The following DOK7 variants were observed in gnomAD, a reference collection of about 807,000 sequenced individuals.
The protein encoded by DOK7 is protein Dok-7.
Under a neutral mutation model 30.7 loss-of-function variants are expected in DOK7, and 32 were observed. The observed-to-expected ratio is 1.04, with a 90% confidence interval of 0.79 to 1.40. The LOEUF is 1.40. DOK7 is among the 40% of genes most tolerant of loss of function. The pLI, the probability that DOK7 is intolerant of heterozygous loss-of-function variation, is 0.00. For synonymous variants in DOK7, 447 were observed against 324.1 expected, an observed-to-expected ratio of 1.38 and a Z score of -4.07; for missense variants, 1,007 against 699.2, an observed-to-expected ratio of 1.44 and a Z score of -4.97.
At chr4:3,495,912 G>T (rs1270166877), downstream of DOK7, among the ~76,000 whole-genome samples, 1 of 152,176 alleles carries the variant, frequency 6.6e-6, no homozygotes, top group Non-Finnish European at 1.5e-5. Flanking sequence ...TGCTCAGGGG[G>T]CCTCGTGTGA....
intron 4 of DOK7, 127 bp from the exon 5 acceptor site, chr4:3,485,412 G>C: frequency 7.0e-6 from 9 of 1,287,624 alleles, no homozygotes; most frequent in Non-Finnish European, 9.2e-6. Flanking sequence ...ATCTGACTTC[G>C]TGGGGCCAGG....
At chr4:3,472,998 C>T (rs1726847916) in intron 2 of DOK7, among the ~76,000 whole-genome samples, 1 of 152,204 alleles carries the variant, frequency 6.6e-6, no homozygotes, top group South Asian at 2.1e-4. Context: ...AGCGGACTGG[C>T]AGAACCAGGG....
chr4:3,473,788 G>GCC, intron 3 of DOK7, 152 bp downstream of exon 3: 1 of 755,898 alleles, frequency 1.3e-6, no homozygotes, highest in Non-Finnish European at 2.1e-6. Context: ...CTGAGCTCCA[G>GCC]CCTGGGGGTG....
At chr4:3,484,694 T>C (rs1727651741) in intron 4 of DOK7, 2 of 985,062 alleles carry the variant, frequency 2.0e-6, no homozygotes, top group South Asian at 9.4e-5. Context: ...GCTGTGGGGG[T>C]GCAGGGGTGG....
In DOK7 at chr4:3,473,469, G is replaced by A. The variant is rs1199528414; in HGVS notation, c.164G>A (p.Ser55Asn). The A allele has an allele frequency of 3.7e-6, 6 of 1,610,996 alleles. No individual in the cohort carries two copies. The highest frequency in any genetic ancestry group is 5.1e-6 in the Non-Finnish European group (6 of 1,179,768). Residue 55 changes from serine (S) to asparagine (N), a missense_variant, in exon 3 of 7, where the codon AGC (serine) becomes AAC (asparagine). Transcript: ENST00000340083. ...SERIKGLRER[S>N]SLTLEDICGL... ...CGTATCAAGGGCCTGCGGGAGCGCA[G>A]CAGCCTGACGCTAGAGGACATCTGC...
At chr4:3,497,187 G>C (rs940340202), downstream of DOK7, among the ~76,000 whole-genome samples, 1 of 151,974 alleles carries the variant, frequency 6.6e-6, no homozygotes, top group African/African-American at 2.4e-5. Flanking sequence ...ACACAGACTG[G>C]GGTCCACGGG....
At chr4:3,469,457 C>A (rs890225367) in intron 2 of DOK7, among the ~76,000 whole-genome samples, 5 of 152,084 alleles carry the variant, frequency 3.3e-5, no homozygotes, top group African/African-American at 1.2e-4. Flanking sequence ...CCTCAGCCGC[C>A]AGGCAAGAGA....
At chr4:3,464,828 G>C (rs997735863) in intron 2 of DOK7, among the ~76,000 whole-genome samples, 2 of 152,210 alleles carry the variant, frequency 1.3e-5, no homozygotes, top group Non-Finnish European at 2.9e-5. Context: ...AGCCTCAAGA[G>C]GGTGTGCTCC....
intron 6 of DOK7, among the ~76,000 whole-genome samples, chr4:3,491,878 G>A (rs918833380): frequency 6.6e-6 from 1 of 152,208 alleles, no homozygotes; most frequent in Non-Finnish European, 1.5e-5. Context: ...TGGCTGCATG[G>A]GTGACCTGTG....
At position 3,492,794 on chromosome 4, in the gene DOK7, G is replaced by A. The variant is rs138794794; in HGVS notation, c.808G>A (p.Ala270Thr). Residue 270 changes from alanine (A) to threonine (T), a missense_variant, in exon 7 of 7, where the codon GCC (alanine) becomes ACC (threonine). By Grantham distance (58) the Ala-to-Thr change is moderately conservative (BLOSUM62 0). Coordinates refer to ENST00000340083, the MANE Select transcript of DOK7 (RefSeq NM_173660.5). ...DRSLSSSSSE[A>T]SHLDVSASSR... is the part of the protein sequence containing the mutation. ...CAGCCTGTCCAGCTCATCCTCAGAG[G>A]CCAGTCACTTGGACGTCAGCGCCAG... 3.7e-5 allele frequency: 59 copies of A among 1,612,626 alleles called. No homozygotes were observed. Among genetic ancestry groups the A allele is most frequent in the Non-Finnish European group, 4.8e-5 (57 of 1,179,970 alleles).
At chr4:3,492,079 C>T (rs2109412233) in intron 6 of DOK7, among the ~76,000 whole-genome samples, 1 of 152,280 alleles carries the variant, frequency 6.6e-6, no homozygotes, top group Admixed American at 6.5e-5. Context: ...TTTGGGAGCC[C>T]TGGAAGGCAG....
intron 4 of DOK7, chr4:3,484,523 G>A (rs1727636294): frequency 2.1e-5 from 21 of 985,520 alleles, no homozygotes; most frequent in Non-Finnish European, 2.5e-5. Flanking sequence ...GTCCAGCCGG[G>A]TGCAGCCAGC....
chr4:3,471,558 G>A (rs1219061029), intron 2 of DOK7, among the ~76,000 whole-genome samples: 2 of 152,244 alleles, frequency 1.3e-5, no homozygotes, highest in Admixed American at 6.5e-5. Flanking sequence ...GCTGTCCTCC[G>A]GCTCAAGCGG....
chr4:3,463,442 CGGG>C lies in DOK7; in HGVS notation c.54+16_54+18del. 2.6e-6 allele frequency: 1 copy of C among 385,284 alleles called. No homozygotes were observed. Among genetic ancestry groups the C allele is most frequent in the Non-Finnish European group, 3.7e-6 (1 of 271,936 alleles). 23.9% of individuals were successfully genotyped at this position (385,284 alleles called of 1,614,324 possible). A position where few individuals can be genotyped will look rare whatever the true frequency, so the allele number is the denominator to read the frequency against. ...GGACGGCAAGAAGGTCGGGGCGCGTCGGGGGCGCGGGGGGGGGGGGCGCGGGCG... is the reference window on the plus strand; with the variant it reads ...GGACGGCAAGAAGGTCGGGGCGCGTCGGCGCGGGGGGGGGGGGCGCGGGCG... On this transcript the variant is annotated intron_variant, in intron 1 of 6. Coordinates refer to ENST00000340083, the MANE Select transcript of DOK7 (RefSeq NM_173660.5).
intron 4 of DOK7, chr4:3,484,933 G>A (rs1727671140): frequency 2.1e-6 from 2 of 958,120 alleles, no homozygotes; most frequent in African/African-American, 3.5e-5. Context: ...GCCTTCCTGG[G>A]ATGTGACCCC....
intron 6 of DOK7, among the ~76,000 whole-genome samples, chr4:3,492,378 A>C (rs917150106): frequency 6.7e-6 from 1 of 149,434 alleles, no homozygotes; most frequent in Non-Finnish European, 1.5e-5. Context: ...GCGGAGGGCA[A>C]GCTGCCCCAG....
intron 4 of DOK7, among the ~76,000 whole-genome samples, chr4:3,479,686 G>A (rs1560215368): frequency 6.6e-6 from 1 of 152,224 alleles, no homozygotes; most frequent in Non-Finnish European, 1.5e-5. Flanking sequence ...GAGACACTGG[G>A]CGTGGCTGTG....
At chr4:3,498,580 G>T (rs148461847), downstream of DOK7, among the ~76,000 whole-genome samples, 815 of 152,248 alleles carry the variant, frequency 5.4e-3, 5 homozygotes, top group African/African-American at 0.019. Flanking sequence ...GCCAGGCCCC[G>T]GCGCTCCCTC....
At chr4:3,475,323 C>G (rs924075129) in intron 3 of DOK7, among the ~76,000 whole-genome samples, 1 of 152,240 alleles carries the variant, frequency 6.6e-6, no homozygotes, top group African/African-American at 2.4e-5. Flanking sequence ...CTTGATAGAA[C>G]GTGGCCTGAC....
Sources: allele counts gnomAD v4.1 joint callset (sites outside exome capture counted in the v4.1 genomes callset), GRCh38; gene constraint gnomAD v4.1.1; transcripts MANE v1.5; gene names NCBI Gene and HGNC (gene_info 2026-07-23, HGNC 2026-07-21).